SLC9A9: variants seen among roughly 807,000 people sequenced by gnomAD.
SLC9A9 encodes solute carrier family 9 member A9.
In SLC9A9, 62 loss-of-function variants were observed where a neutral mutation model predicts 77.8. That is an observed-to-expected ratio of 0.80 (90% CI 0.65 to 0.98). The LOEUF is 0.98. SLC9A9 is among the 50% of genes least tolerant of loss of function. SLC9A9 has a pLI of 0.00. For missense variants in SLC9A9, 775 were observed against 774.9 expected (o/e 1.00, Z 0.00); for synonymous variants, 320 against 283.5 (o/e 1.13, Z -1.29).
chr3:143,295,830 C>T (rs1003566708), intron 14 of SLC9A9, among the ~76,000 whole-genome samples: 2 of 151,992 alleles, frequency 1.3e-5, no homozygotes, highest in Non-Finnish European at 2.9e-5. Context: ...TCATAATACA[C>T]AGTGGAACAA....
chr3:143,750,855 C>T (rs950399467), intron 4 of SLC9A9, among the ~76,000 whole-genome samples: 9 of 151,822 alleles, frequency 5.9e-5, no homozygotes, highest in African/African-American at 1.2e-4. Context: ...TAAAGAATTT[C>T]GCAAGAACAT....
chr3:143,587,794 T>A (rs189797653), intron 6 of SLC9A9, among the ~76,000 whole-genome samples: 2 of 152,308 alleles, frequency 1.3e-5, no homozygotes, highest in African/African-American at 4.8e-5. Flanking sequence ...GCCAAGCCTG[T>A]CCTCATCAGC....
chr3:143,479,271 A>G (rs1332577371), intron 11 of SLC9A9, among the ~76,000 whole-genome samples: 1 of 152,062 alleles, frequency 6.6e-6, no homozygotes, highest in African/African-American at 2.4e-5. Context: ...ATTTTTAGAG[A>G]CAGGGTCTCA....
chr3:143,288,828 A>T (rs1938453239), intron 14 of SLC9A9, among the ~76,000 whole-genome samples: 1 of 152,226 alleles, frequency 6.6e-6, no homozygotes. Context: ...GGTCAGATAG[A>T]AGACTAGAGG....
rs988226038 is a variant in SLC9A9 at position 143,488,940 on chromosome 3, T to G, written c.1315+4713A>C. ...AAAGGTATTCAAACTGAAAAAGAAG[T>G]AAAATTATCTCTGTTTACAGGTAAT... On this transcript the variant is annotated intron_variant, in intron 11 of 15. Transcript: ENST00000316549. Among the ~76,000 whole-genome samples, 20 of 152,010 alleles carry G rather than the reference T, an allele frequency of 1.3e-4. No homozygotes were observed. The South Asian group carries it at 4.1e-3, about 32-fold the overall frequency.
chr3:143,386,164 ACTC>A (rs1396073792), intron 12 of SLC9A9, among the ~76,000 whole-genome samples: 2 of 151,868 alleles, frequency 1.3e-5, no homozygotes, highest in Admixed American at 1.3e-4. Context: ...AAGTAGCTGT[ACTC>A]CTCCTACTCT....
At chr3:143,329,912 C>T (rs1406280267) in intron 14 of SLC9A9, among the ~76,000 whole-genome samples, 3 of 152,178 alleles carry the variant, frequency 2.0e-5, no homozygotes, top group African/African-American at 7.2e-5. Context: ...TGGCACTGCG[C>T]CTTGCTGCTG....
intron 9 of SLC9A9, among the ~76,000 whole-genome samples, chr3:143,522,332 C>G (rs946336623): frequency 6.6e-6 from 1 of 152,124 alleles, no homozygotes; most frequent in Non-Finnish European, 1.5e-5. Flanking sequence ...AATTCAATCC[C>G]TATTTATTTC....
chr3:143,413,555 G>A (rs1021871727), intron 12 of SLC9A9, among the ~76,000 whole-genome samples: 14 of 152,110 alleles, frequency 9.2e-5, no homozygotes, highest in Admixed American at 9.2e-4. Flanking sequence ...GCGGAAAGAG[G>A]AACCACAACT....
intron 12 of SLC9A9, among the ~76,000 whole-genome samples, chr3:143,459,879 T>G (rs2035159910): frequency 6.6e-6 from 1 of 152,082 alleles, no homozygotes; most frequent in Non-Finnish European, 1.5e-5. Context: ...AAAAATACAA[T>G]GGGAATTCTC....
intron 14 of SLC9A9, among the ~76,000 whole-genome samples, chr3:143,329,883 C>G (rs989532895): frequency 6.6e-6 from 1 of 152,148 alleles, no homozygotes; most frequent in Non-Finnish European, 1.5e-5. Flanking sequence ...TGTTCCGCAC[C>G]TTTCCTCCCT....
At chr3:143,832,714 T>C (rs1236274387) in intron 1 of SLC9A9, among the ~76,000 whole-genome samples, 1 of 107,402 alleles carries the variant, frequency 9.3e-6, no homozygotes. Context: ...AATATAGTTC[T>C]TTTTTTTTTT....
intron 5 of SLC9A9, among the ~76,000 whole-genome samples, chr3:143,673,748 G>C (rs902722806): frequency 6.6e-6 from 1 of 151,908 alleles, no homozygotes; most frequent in African/African-American, 2.4e-5. Flanking sequence ...AATATGTCTA[G>C]GGGGGCAGCA....
intron 6 of SLC9A9, among the ~76,000 whole-genome samples, chr3:143,619,410 T>C (rs2038160778): frequency 6.6e-6 from 1 of 152,254 alleles, no homozygotes; most frequent in Non-Finnish European, 1.5e-5. Context: ...GGAACCATTA[T>C]GCTTGTCTGA....
At chr3:143,302,121 C>G (rs183925270) in intron 14 of SLC9A9, among the ~76,000 whole-genome samples, 3 of 152,312 alleles carry the variant, frequency 2.0e-5, no homozygotes, top group Admixed American at 1.3e-4. Flanking sequence ...ACCTTTGTCA[C>G]AGCGGGCCAG....
intron 4 of SLC9A9, among the ~76,000 whole-genome samples, chr3:143,780,634 G>T (rs1460307365): frequency 1.3e-5 from 2 of 152,164 alleles, no homozygotes; most frequent in African/African-American, 4.8e-5. Context: ...ATATTCTAAG[G>T]GATTGGAAAG....
chr3:143,718,303 C>A (rs1266036990), intron 4 of SLC9A9, among the ~76,000 whole-genome samples: 1 of 152,170 alleles, frequency 6.6e-6, no homozygotes, highest in Non-Finnish European at 1.5e-5. Context: ...TTTTTCTATT[C>A]CTGTTACATA....
At chr3:143,435,927 G>C (rs188566359) in intron 12 of SLC9A9, among the ~76,000 whole-genome samples, 5 of 152,326 alleles carry the variant, frequency 3.3e-5, no homozygotes, top group Non-Finnish European at 1.5e-5. Context: ...TGCAGGGGCT[G>C]CCTGGGCCAG....
intron 4 of SLC9A9, among the ~76,000 whole-genome samples, chr3:143,781,888 C>T (rs1013934886): frequency 1.3e-5 from 2 of 152,280 alleles, no homozygotes; most frequent in East Asian, 1.9e-4. Context: ...AATAAAGCAT[C>T]GCAGAGCTGT....
Sources: gnomAD v4.1 joint callset for allele counts (sites outside exome capture counted in the v4.1 genomes callset) on GRCh38, gnomAD v4.1.1 for gene constraint, MANE v1.5 for transcripts, NCBI Gene and HGNC (gene_info 2026-07-23, HGNC 2026-07-21) for gene names.